Variants in TBL1XR1 observed in about 807,000 individuals in gnomAD.
TBL1XR1 encodes the protein F-box-like/WD repeat-containing protein TBL1XR1.
A neutral mutation model predicts 66.9 loss-of-function variants in TBL1XR1; 5 were observed. The ratio of observed to expected loss-of-function variants is 0.07; its 90% CI spans 0.04 to 0.16. The LOEUF is 0.16. Ranked by LOEUF, TBL1XR1 falls within the 10% of genes least tolerant of loss-of-function variation. The pLI, the probability that TBL1XR1 is intolerant of heterozygous loss-of-function variation, is 1.00. For missense variants in TBL1XR1, 238 were observed against 623.2 expected (o/e 0.38, Z 6.58); for synonymous variants, 210 against 206.0 (o/e 1.02, Z -0.17).
chr3:177,156,546 C>T (rs1221027769), intron 1 of TBL1XR1, among the ~76,000 whole-genome samples: 1 of 140,000 alleles, frequency 7.1e-6, no homozygotes, highest in African/African-American at 2.6e-5. Context: ...CACACACACA[C>T]ACTTATATAT....
rs1186899721 is a variant in TBL1XR1 at position 177,022,283 on chromosome 3, C to T, written c.*3215G>A. ...TTTACACCACAAAAGGAGGCACTTT[C>T]AGTATCTGTAAAAGGTATTTAATCC... On this transcript the variant is annotated 3_prime_UTR_variant, in exon 16 of 16. Transcript: ENST00000457928. The T allele has an allele frequency of 6.6e-6, 1 of 152,416 alleles. No homozygotes were observed. The highest frequency in any genetic ancestry group is 1.5e-5 in the Non-Finnish European group (1 of 67,950). 9.4% of individuals were successfully genotyped at this position (152,416 alleles called of 1,614,324 possible). A position where few individuals can be genotyped will look rare whatever the true frequency, so the allele number is the denominator to read the frequency against.
intron 1 of TBL1XR1, chr3:177,136,244 A>G (rs1728983013): frequency 6.6e-6 from 1 of 152,180 alleles, no homozygotes; most frequent in Non-Finnish European, 1.5e-5. Context: ...AAAGTCCAAA[A>G]GCCATAGACA....
chr3:177,090,289 G>A (rs1722659913), intron 2 of TBL1XR1, among the ~76,000 whole-genome samples: 1 of 152,066 alleles, frequency 6.6e-6, no homozygotes, highest in East Asian at 1.9e-4. Flanking sequence ...AAGTAAGAAT[G>A]TATCTCACTT....
chr3:177,110,780 G>C (rs191336445), intron 1 of TBL1XR1: 19 of 152,288 alleles, frequency 1.2e-4, no homozygotes, highest in Admixed American at 1.0e-3. Context: ...ATTTTGGGAA[G>C]CAGATAAGTG....
chr3:177,139,708 G>C (rs1289689425), intron 1 of TBL1XR1, among the ~76,000 whole-genome samples: 1 of 151,344 alleles, frequency 6.6e-6, no homozygotes, highest in African/African-American at 2.4e-5. Flanking sequence ...AATCTAGAGA[G>C]TCCAACATTT....
intron 2 of TBL1XR1, among the ~76,000 whole-genome samples, chr3:177,080,242 C>T (rs1483701169): frequency 5.9e-5 from 9 of 152,286 alleles, no homozygotes; most frequent in Non-Finnish European, 1.0e-4. Context: ...GCCTTAGTAA[C>T]ATTATCAGGC....
chr3:177,133,428 G>T (rs1728538187), intron 1 of TBL1XR1, among the ~76,000 whole-genome samples: 1 of 152,120 alleles, frequency 6.6e-6, no homozygotes, highest in South Asian at 2.1e-4. Context: ...TTGCATCAAA[G>T]TTCTGCTCAC....
rs1553816164 is a variant in TBL1XR1 at position 177,051,589 on chromosome 3, G to GGCAGCTGCAGCAGCTGCT, written c.324_341dup (p.Ala113_Ala118dup). The GGCAGCTGCAGCAGCTGCT allele has an allele frequency of 1.6e-5, 25 of 1,611,986 alleles. No homozygotes were observed. Among genetic ancestry groups the GGCAGCTGCAGCAGCTGCT allele is most frequent in the Non-Finnish European group, 2.0e-5 (24 of 1,178,714 alleles). ...ATCCTTGTTGGCTGGCTGCAGCTGC[G>GGCAGCTGCAGCAGCTGCT]GCAGCTGCAGCAGCTGCTGCCTGTT... On this transcript the variant is annotated inframe_insertion, in exon 5 of 16. Coordinates refer to ENST00000457928, the MANE Select transcript of TBL1XR1 (RefSeq NM_024665.7).
At chr3:177,060,380 G>T (rs2108524375) in intron 3 of TBL1XR1, among the ~76,000 whole-genome samples, 1 of 152,158 alleles carries the variant, frequency 6.6e-6, no homozygotes, top group South Asian at 2.1e-4. Flanking sequence ...ACTCATTTTA[G>T]TAACAAGGAC....
chr3:177,071,031 G>GTTTTTGTTTTTTTTTTTTTTTTTT (rs1719916058), intron 2 of TBL1XR1, among the ~76,000 whole-genome samples: 1 of 104,716 alleles, frequency 9.5e-6, no homozygotes, highest in African/African-American at 3.9e-5. Flanking sequence ...CTGAGAATCT[G>GTTTTTGTTTTTTTTTTTTTTTTTT]TTTTTTTTTT....
chr3:177,178,975 G>C (rs1190487318), intron 1 of TBL1XR1, among the ~76,000 whole-genome samples: 1 of 151,958 alleles, frequency 6.6e-6, no homozygotes, highest in Non-Finnish European at 1.5e-5. Context: ...AAATTAGCCG[G>C]GTGTGGTGGC....
At chr3:177,198,061 G>A (rs1453981474), upstream of TBL1XR1, among the ~76,000 whole-genome samples, 1 of 152,018 alleles carries the variant, frequency 6.6e-6, no homozygotes, top group Non-Finnish European at 1.5e-5. Flanking sequence ...GGGGGAGTGC[G>A]GCGCGGCATC....
intron 1 of TBL1XR1, among the ~76,000 whole-genome samples, chr3:177,170,458 T>G (rs776961659): frequency 2.0e-5 from 3 of 152,076 alleles, no homozygotes; most frequent in Non-Finnish European, 4.4e-5. Flanking sequence ...GGCCCAACAC[T>G]GGGTTAATAA....
chr3:177,128,978 T>C (rs1450951661), intron 1 of TBL1XR1, among the ~76,000 whole-genome samples: 1 of 152,192 alleles, frequency 6.6e-6, no homozygotes, highest in Non-Finnish European at 1.5e-5. Flanking sequence ...CTATTTCTTC[T>C]ATAACTCCAC....
intron 1 of TBL1XR1, among the ~76,000 whole-genome samples, chr3:177,189,664 A>ATTAAAATTTC (rs377322485): frequency 1.4e-5 from 2 of 141,884 alleles, no homozygotes; most frequent in Non-Finnish European, 3.0e-5. Flanking sequence ...AAAAAAAAAA[A>ATTAAAATTTC]AGAAGGATGT....
intron 2 of TBL1XR1, among the ~76,000 whole-genome samples, chr3:177,082,426 C>G (rs1721511871): frequency 6.6e-6 from 1 of 151,580 alleles, no homozygotes; most frequent in Admixed American, 6.6e-5. Flanking sequence ...CTTGTAATTA[C>G]AAATTATATT....
chr3:177,020,306 A>G lies in TBL1XR1; in HGVS notation c.*5192T>C, dbSNP rs1712185690. 6.6e-6 allele frequency: 1 copy of G among 152,156 alleles called. No homozygotes were observed. Among genetic ancestry groups the G allele is most frequent in the Admixed American group, 6.5e-5 (1 of 15,272 alleles). 9.4% of individuals were successfully genotyped at this position (152,156 alleles called of 1,614,324 possible). A position where few individuals can be genotyped will look rare whatever the true frequency, so the allele number is the denominator to read the frequency against. On this transcript the variant is annotated 3_prime_UTR_variant, in exon 16 of 16. Coordinates refer to ENST00000457928, the MANE Select transcript of TBL1XR1 (RefSeq NM_024665.7). ...TGAAATAACGTCTTTTAAATACAATATTTATTTTTCAAAAGAATTAAAAAT... is the reference window on the plus strand; with the variant it reads ...TGAAATAACGTCTTTTAAATACAATGTTTATTTTTCAAAAGAATTAAAAAT...
At chr3:177,193,045 T>C (rs1475571804) in intron 1 of TBL1XR1, among the ~76,000 whole-genome samples, 2 of 151,442 alleles carry the variant, frequency 1.3e-5, no homozygotes, top group East Asian at 3.9e-4. Flanking sequence ...CCCAGCTACT[T>C]GGGAGGCTGA....
chr3:177,191,269 T>A (rs1480452455), intron 1 of TBL1XR1, among the ~76,000 whole-genome samples: 1 of 152,174 alleles, frequency 6.6e-6, no homozygotes, highest in Non-Finnish European at 1.5e-5. Flanking sequence ...GTACTTTAAA[T>A]AAATTACACT....
Sources: allele counts gnomAD v4.1 joint callset (sites outside exome capture counted in the v4.1 genomes callset), GRCh38; gene constraint gnomAD v4.1.1; transcripts MANE v1.5; gene names NCBI Gene and HGNC (gene_info 2026-07-23, HGNC 2026-07-21).